Variants in PAFAH2 observed in about 807,000 individuals in gnomAD.
PAFAH2 encodes the protein platelet-activating factor acetylhydrolase 2, cytoplasmic.
A neutral mutation model predicts 49.0 loss-of-function variants in PAFAH2; 42 were observed. The ratio of observed to expected loss-of-function variants is 0.86; its 90% CI spans 0.67 to 1.11. The LOEUF (loss-of-function observed/expected upper bound fraction) is 1.11. PAFAH2 is among the 50% of genes least tolerant of loss of function. The pLI, the probability that PAFAH2 is intolerant of heterozygous loss-of-function variation, is 0.00. For synonymous variants in PAFAH2, 184 were observed against 181.3 expected, an observed-to-expected ratio of 1.01 and a Z score of -0.12; for missense variants, 503 against 501.8, an observed-to-expected ratio of 1.00 and a Z score of -0.02.
intron 9 of PAFAH2, 124 bp from the exon 10 acceptor site, chr1:25,972,836 G>T: frequency 2.1e-6 from 2 of 937,958 alleles, no homozygotes; most frequent in South Asian, 1.6e-5. Context: ...CAGCAACCTT[G>T]TAAGGGAAGT....
rs1302669933 is a variant in PAFAH2, at chr1:25,990,722, C to T, written c.90+5G>A. 5.0e-6 allele frequency: 8 copies of T among 1,612,090 alleles called. No individual in the cohort carries two copies. Among genetic ancestry groups the T allele is most frequent in the Non-Finnish European group, 5.1e-6 (6 of 1,178,462 alleles). On this transcript the variant is annotated splice_donor_5th_base_variant and intron_variant, in intron 2 of 10. Coordinates refer to ENST00000374282, the MANE Select transcript of PAFAH2 (RefSeq NM_000437.4). ...AACAGAAGAAAGGGAGCTGGGGACACTTACCTGGAGATTCTGACCCTCCAT... is the reference window on the plus strand; with the variant it reads ...AACAGAAGAAAGGGAGCTGGGGACATTTACCTGGAGATTCTGACCCTCCAT...
chr1:25,962,606 T>C (rs916498562), intron 10 of PAFAH2, among the ~76,000 whole-genome samples: 2 of 152,058 alleles, frequency 1.3e-5, no homozygotes, highest in African/African-American at 4.8e-5. Context: ...GAGGATCACT[T>C]GAGGCTAGGA....
chr1:25,985,060 T>C (rs2124356350), intron 4 of PAFAH2, among the ~76,000 whole-genome samples: 1 of 152,128 alleles, frequency 6.6e-6, no homozygotes, highest in Non-Finnish European at 1.5e-5. Context: ...GGTTTTACCA[T>C]GTTGGTCAGG....
chr1:25,983,800 T>A, intron 6 of PAFAH2, 146 bp downstream of exon 6: 1 of 878,052 alleles, frequency 1.1e-6, no homozygotes, highest in Non-Finnish European at 1.8e-6. Context: ...TCCTGATTAA[T>A]ATCCTATGTA....
chr1:25,966,522 C>A (rs574031117), intron 10 of PAFAH2, among the ~76,000 whole-genome samples: 1 of 152,200 alleles, frequency 6.6e-6, no homozygotes, highest in South Asian at 2.1e-4. Flanking sequence ...AGTCAAATAC[C>A]GAATGCTGTA....
At chr1:25,981,258 C>T (rs1208525610) in intron 7 of PAFAH2, among the ~76,000 whole-genome samples, 1 of 151,682 alleles carries the variant, frequency 6.6e-6, no homozygotes, top group Non-Finnish European at 1.5e-5. Flanking sequence ...GTAAAAATAA[C>T]TGGAAGGACA....
At position 25,980,704 on chromosome 1, in the gene PAFAH2, A is replaced by G. The variant is rs532312201; in HGVS notation, c.666+1660T>C. Among the ~76,000 whole-genome samples, 57 of 150,906 alleles carry G rather than the reference A, an allele frequency of 3.8e-4. No homozygotes were observed. In the South Asian group the frequency reaches 0.012, roughly 31 times the overall value. On this transcript the variant is annotated intron_variant, in intron 7 of 10. Transcript: ENST00000374282. ...TACACACACCATTCTTATTCATACAATACAATATGATATGGCTATTAAAAA... is the reference window on the plus strand; with the variant it reads ...TACACACACCATTCTTATTCATACAGTACAATATGATATGGCTATTAAAAA...
chr1:25,971,837 T>C (rs2049513805), intron 10 of PAFAH2, among the ~76,000 whole-genome samples: 1 of 152,226 alleles, frequency 6.6e-6, no homozygotes, highest in Non-Finnish European at 1.5e-5. Context: ...ACATTATTCA[T>C]AGTCCTTCCA....
intron 9 of PAFAH2, among the ~76,000 whole-genome samples, 178 bp from the exon 10 acceptor site, chr1:25,972,890 A>C (rs939889130): frequency 1.3e-5 from 2 of 152,204 alleles, no homozygotes; most frequent in Non-Finnish European, 2.9e-5. Flanking sequence ...CTATCTGCTT[A>C]GGGTCAGGTC....
chr1:25,990,764 A>G lies in PAFAH2; in HGVS notation c.53T>C (p.Val18Ala), dbSNP rs777769772. 1.6e-5 allele frequency: 26 copies of G among 1,613,936 alleles called. No homozygotes were observed. Among genetic ancestry groups the G allele is most frequent in the Non-Finnish European group, 2.1e-5 (25 of 1,179,956 alleles). Residue 18 changes from valine (V) to alanine (A), a missense_variant, in exon 2 of 11, where the codon GTA (valine) becomes GCA (alanine). By Grantham distance (64) the Val-to-Ala change is moderately conservative. Coordinates refer to ENST00000374282, the MANE Select transcript of PAFAH2 (RefSeq NM_000437.4). ...GFPPVTGPHL[V>A]GCGDVMEGQN... ...ACCCTCCATCACATCCCCACAGCCT[A>G]CGAGGTGGGGTCCTGTGACAGGTGG...
intron 7 of PAFAH2, among the ~76,000 whole-genome samples, chr1:25,981,931 G>A (rs2049694806): frequency 6.6e-6 from 1 of 151,884 alleles, no homozygotes; most frequent in South Asian, 2.1e-4. Context: ...TGAGGCAGGA[G>A]AATCGCTTGA....
intron 6 of PAFAH2, among the ~76,000 whole-genome samples, chr1:25,982,835 TG>T (rs1229959318): frequency 6.6e-6 from 1 of 152,222 alleles, no homozygotes; most frequent in African/African-American, 2.4e-5. Flanking sequence ...AGACATCTAT[TG>T]TTTTTGTCTC....
At chr1:25,984,165 T>C in intron 5 of PAFAH2, 78 bp from the exon 6 acceptor site, 1 of 1,537,516 alleles carries the variant, frequency 6.5e-7, no homozygotes, top group Non-Finnish European at 9.0e-7. Context: ...AGCCTCCCTT[T>C]CATCCAGGAG....
Position 25,976,902 on chromosome 1 carries a change from A to G in PAFAH2, c.667-129T>C, listed in dbSNP as rs993349009. On this transcript the variant is annotated intron_variant, in intron 7 of 10. Coordinates refer to ENST00000374282, the MANE Select transcript of PAFAH2 (RefSeq NM_000437.4). ...CACAATACAGCAAGTGAGTCCACCA[A>G]CACCACACTGTCAAGAATCTCTTAC... 1.1e-5 allele frequency: 7 copies of G among 649,348 alleles called. No individual in the cohort carries two copies. In the African/African-American group the frequency reaches 1.1e-4, roughly 10 times the overall value. The allele number at this position is 649,348 out of a possible 1,614,324, so 40.2% of individuals were successfully genotyped here. A position where few individuals can be genotyped will look rare whatever the true frequency, so the allele number is the denominator to read the frequency against.
At chr1:25,966,217 CAG>C (rs2049420043) in intron 10 of PAFAH2, among the ~76,000 whole-genome samples, 1 of 152,124 alleles carries the variant, frequency 6.6e-6, no homozygotes, top group South Asian at 2.1e-4. Flanking sequence ...GGAGATCCCT[CAG>C]AGAACTAAAA....
chr1:25,968,194 TAAAG>T (rs2049455910), intron 10 of PAFAH2, among the ~76,000 whole-genome samples: 2 of 150,582 alleles, frequency 1.3e-5, no homozygotes, highest in African/African-American at 4.9e-5. Context: ...ATAAATAAAA[TAAAG>T]AGGGAAAAAT....
At chr1:25,975,588 T>A (rs1344496246) in intron 8 of PAFAH2, among the ~76,000 whole-genome samples, 2 of 151,780 alleles carry the variant, frequency 1.3e-5, no homozygotes, top group Non-Finnish European at 2.9e-5. Flanking sequence ...GGGAAAAAAA[T>A]AAGAAGAAAA....
intron 1 of PAFAH2, among the ~76,000 whole-genome samples, chr1:25,996,426 T>G (rs1041789388): frequency 6.6e-6 from 1 of 151,192 alleles, no homozygotes; most frequent in Non-Finnish European, 1.5e-5. Context: ...GATCAGGAGG[T>G]CAGGAGATCG....
intron 8 of PAFAH2, 66 bp downstream of exon 8, chr1:25,976,616 C>A: frequency 1.7e-6 from 2 of 1,204,442 alleles, no homozygotes; most frequent in Non-Finnish European, 1.2e-6. Flanking sequence ...ACTTGTGTAA[C>A]AAATACTTTC....
Sources: allele counts gnomAD v4.1 joint callset (sites outside exome capture counted in the v4.1 genomes callset), GRCh38; gene constraint gnomAD v4.1.1; transcripts MANE v1.5; gene names NCBI Gene and HGNC (gene_info 2026-07-23, HGNC 2026-07-21).